The following PRKAR1B variants were observed in gnomAD, a reference collection of about 807,000 sequenced individuals.
PRKAR1B encodes protein kinase cAMP-dependent type I regulatory subunit beta.
PRKAR1B carries 22 observed loss-of-function variants against 46.5 expected under a neutral mutation model. The observed-to-expected ratio is 0.47, with a 90% CI of 0.34 to 0.68. The LOEUF is 0.68. PRKAR1B is among the 30% of genes least tolerant of loss of function. PRKAR1B has a pLI of 0.01. For missense variants in PRKAR1B, 445 were observed against 535.6 expected (o/e 0.83, Z 1.67); for synonymous variants, 259 against 217.7 (o/e 1.19, Z -1.67).
intron 7 of PRKAR1B, among the ~76,000 whole-genome samples, chr7:590,121 G>A (rs138586418): frequency 0.03 from 4,504 of 152,356 alleles, 90 homozygotes; most frequent in African/African-American, 0.056. Flanking sequence ...AGAAGACAGA[G>A]GGGGCTCTGG....
At position 691,644 on chromosome 7, in the gene PRKAR1B, C is replaced by T. The variant is rs1779433594; in HGVS notation, c.178-10918G>A. 3.1e-6 allele frequency: 4 copies of T among 1,300,830 alleles called. No individual in the cohort carries two copies. In the Admixed American group the frequency reaches 6.9e-5, roughly 22 times the overall value. 80.6% of individuals were successfully genotyped at this position (1,300,830 alleles called of 1,614,324 possible). ...TGTGCTGAATGGCATGTGGCCTCCG[C>T]CCAGGTCTCCAGGGAGCTGTTGGAA... On this transcript the variant is annotated intron_variant, in intron 2 of 10. Coordinates refer to ENST00000537384, the MANE Select transcript of PRKAR1B (RefSeq NM_001164760.2).
At position 644,105 on chromosome 7, in the gene PRKAR1B, GACAA is replaced by G. The variant is rs368729584; in HGVS notation, c.440+33120_440+33123del. On this transcript the variant is annotated intron_variant, in intron 4 of 10. Coordinates refer to ENST00000537384, the MANE Select transcript of PRKAR1B (RefSeq NM_001164760.2). The surrounding 1 kb of genome is among the most constrained non-coding windows in gnomAD (Gnocchi z 4.9). ...CTAAGCCCTAAGTCTTCATCTTGCA[GACAA>G]ACAGAGGTGCTAAGTCACGGGCCAC... Among the ~76,000 whole-genome samples the G allele has an allele frequency of 1.2e-4, 18 of 152,284 alleles. No homozygotes were observed. In the East Asian group the frequency reaches 2.3e-3, roughly 20 times the overall value.
intron 4 of PRKAR1B, among the ~76,000 whole-genome samples, chr7:645,604 A>C (rs572769391): frequency 3.2e-4 from 48 of 152,310 alleles, no homozygotes; most frequent in South Asian, 1.2e-3. Context: ...AGCCAGTCCC[A>C]CAGCCGTCAC....
chr7:652,533 G>A (rs1189798322), intron 4 of PRKAR1B, among the ~76,000 whole-genome samples: 5 of 152,014 alleles, frequency 3.3e-5, no homozygotes, highest in East Asian at 1.9e-4. Context: ...AACCCCTCTC[G>A]GAAGAAAGTT....
intron 9 of PRKAR1B, among the ~76,000 whole-genome samples, chr7:559,189 C>T (rs1428169415): frequency 6.6e-6 from 1 of 152,246 alleles, no homozygotes; most frequent in Non-Finnish European, 1.5e-5. Flanking sequence ...CAGACACAAC[C>T]CACAAGGCCA....
At position 550,217 on chromosome 7, in the gene PRKAR1B, G is replaced by C; in HGVS notation, c.*213C>G. 1.7e-6 allele frequency: 1 copy of C among 573,912 alleles called. No homozygotes were observed. Among genetic ancestry groups the C allele is most frequent in the South Asian group, 2.0e-5 (1 of 49,694 alleles). 35.6% of individuals were successfully genotyped at this position (573,912 alleles called of 1,614,324 possible). A position where few individuals can be genotyped will look rare whatever the true frequency, so the allele number is the denominator to read the frequency against. ...CTGGCCTGTCCCTTCCTTGATCTTGGGATGCATTTTGTCCGCTTGTCCTTT... is the reference window on the plus strand; with the variant it reads ...CTGGCCTGTCCCTTCCTTGATCTTGCGATGCATTTTGTCCGCTTGTCCTTT... On this transcript the variant is annotated 3_prime_UTR_variant, in exon 11 of 11. Transcript: ENST00000537384.
At chr7:660,582 G>A (rs1441395190) in intron 4 of PRKAR1B, among the ~76,000 whole-genome samples, 4 of 96,856 alleles carry the variant, frequency 4.1e-5, no homozygotes, top group South Asian at 4.0e-4. Context: ...CCATGGCACA[G>A]GTCCCCACCC....
chr7:723,838 G>A (rs1163331158), intron 1 of PRKAR1B, among the ~76,000 whole-genome samples: 1 of 152,160 alleles, frequency 6.6e-6, no homozygotes, highest in African/African-American at 2.4e-5. Context: ...TGCTACCTGA[G>A]GCTGCCGTAA....
In PRKAR1B at chr7:560,918, A is replaced by C. The variant is rs1778745082; in HGVS notation, c.892-9448T>G. Among the ~76,000 whole-genome samples the C allele has an allele frequency of 6.6e-6, 1 of 152,210 alleles. No individual in the cohort carries two copies. Among genetic ancestry groups the C allele is most frequent in the Admixed American group, 6.5e-5 (1 of 15,276 alleles). On this transcript the variant is annotated intron_variant, in intron 9 of 10. Transcript: ENST00000537384. The surrounding 1 kb of genome is among the most constrained non-coding windows in gnomAD (Gnocchi z 4.2). ...CCAGTGAGACTCCTCAGAGCCTGGAAAATTCAGGCTCACTCCAGTGCCTTT... is the reference window on the plus strand; with the variant it reads ...CCAGTGAGACTCCTCAGAGCCTGGACAATTCAGGCTCACTCCAGTGCCTTT...
chr7:717,111 T>C (rs1245175818), intron 1 of PRKAR1B, among the ~76,000 whole-genome samples: 10 of 151,702 alleles, frequency 6.6e-5, no homozygotes, highest in African/African-American at 1.2e-4. Flanking sequence ...GGCAACATGG[T>C]GAAACCCCAT....
chr7:553,411 C>T (rs1197766624), intron 9 of PRKAR1B, among the ~76,000 whole-genome samples: 12 of 152,208 alleles, frequency 7.9e-5, no homozygotes, highest in Admixed American at 6.5e-4. Context: ...GGCAGGGCCC[C>T]GCGTCTGCCG....
chr7:704,231 C>T (rs1780199178), intron 2 of PRKAR1B, among the ~76,000 whole-genome samples: 1 of 151,784 alleles, frequency 6.6e-6, no homozygotes, highest in Admixed American at 6.6e-5. Context: ...AAAATCTAAA[C>T]AAAAATAGAC....
At chr7:573,675 C>T (rs777171673) in intron 9 of PRKAR1B, among the ~76,000 whole-genome samples, 4 of 152,212 alleles carry the variant, frequency 2.6e-5, no homozygotes, top group Non-Finnish European at 5.9e-5. Context: ...TCCCACAGCC[C>T]GCAAAACACC....
At chr7:599,765 C>T (rs913889964) in intron 6 of PRKAR1B, among the ~76,000 whole-genome samples, 8 of 151,678 alleles carry the variant, frequency 5.3e-5, no homozygotes, top group African/African-American at 1.2e-4. Flanking sequence ...GTGCCAGGAG[C>T]TGGGGGAGGC....
At chr7:709,887 C>T (rs904172739) in intron 2 of PRKAR1B, among the ~76,000 whole-genome samples, 4 of 152,276 alleles carry the variant, frequency 2.6e-5, no homozygotes, top group South Asian at 2.1e-4. Context: ...AAGTGATCTT[C>T]CCACCTCGAC....
At chr7:685,440 CTGAT>C (rs1237391779) in intron 2 of PRKAR1B, among the ~76,000 whole-genome samples, 1 of 132,948 alleles carries the variant, frequency 7.5e-6, no homozygotes, top group Non-Finnish European at 1.6e-5. Flanking sequence ...GGCTCAATAT[CTGAT>C]TAACAGCAGT....
Position 662,383 on chromosome 7 carries a change from C to T in PRKAR1B, c.440+14846G>A, listed in dbSNP as rs28436979. Among the ~76,000 whole-genome samples the T allele has an allele frequency of 3.4e-3, 467 of 136,588 alleles. 7 individuals are homozygous for T. The highest frequency in any genetic ancestry group is 0.013 in the African/African-American group (443 of 35,122). The allele number at this position is 136,588 out of a possible 152,430, so 89.6% of individuals were successfully genotyped here. A position where few individuals can be genotyped will look rare whatever the true frequency, so the allele number is the denominator to read the frequency against. On this transcript the variant is annotated intron_variant, in intron 4 of 10. Coordinates refer to ENST00000537384, the MANE Select transcript of PRKAR1B (RefSeq NM_001164760.2). ...CCACCCCAACGGGTCCAAATACCTA[C>T]TCTTCCCTCCATGGCACAGGTCCCC...
intron 4 of PRKAR1B, among the ~76,000 whole-genome samples, chr7:620,553 G>A (rs931054832): frequency 6.6e-6 from 1 of 152,106 alleles, no homozygotes; most frequent in African/African-American, 2.4e-5. Context: ...ATTGTGATGG[G>A]AAGGAATCCG....
At chr7:660,365 A>G (rs1039032685) in intron 4 of PRKAR1B, among the ~76,000 whole-genome samples, 8 of 151,718 alleles carry the variant, frequency 5.3e-5, no homozygotes, top group African/African-American at 1.9e-4. Context: ...CCAAATACCT[A>G]CAATCCCTCC....
Sources: allele counts gnomAD v4.1 joint callset (sites outside exome capture counted in the v4.1 genomes callset), GRCh38; gene constraint gnomAD v4.1.1; non-coding constraint Gnocchi (gnomAD v3.1); transcripts MANE v1.5; gene names NCBI Gene and HGNC (gene_info 2026-07-23, HGNC 2026-07-21).